Variants in ELP5 observed in about 807,000 individuals in gnomAD.
ELP5 encodes elongator acetyltransferase complex subunit 5.
Under a neutral mutation model 33.4 loss-of-function variants are expected in ELP5, and 34 were observed. The ratio of observed to expected loss-of-function variants is 1.02; its 90% confidence interval spans 0.78 to 1.36. ELP5 has a LOEUF of 1.36. Among genes scored for constraint, ELP5 ranks in the 40% most tolerant of loss-of-function variants. The pLI, the probability that ELP5 is intolerant of heterozygous loss-of-function variation, is 0.00. For synonymous variants in ELP5, 161 were observed against 146.4 expected (o/e 1.10, Z -0.72); for missense variants, 373 against 371.7 (o/e 1.00, Z -0.03).
At position 7,259,835 on chromosome 17, in the gene ELP5, G is replaced by GCAGCGTCT; in HGVS notation, c.*153_*160dup. ...GGAGCCCCGCCTTGTGAGCCAGGAA[G>GCAGCGTCT]CAGCGTCTCATCAGGACAGAAGGTA... On this transcript the variant is annotated 3_prime_UTR_variant, in exon 8 of 8. Coordinates refer to ENST00000396628, the MANE Select transcript of ELP5 (RefSeq NM_203414.3). The GCAGCGTCT allele has an allele frequency of 3.6e-6, 5 of 1,393,798 alleles. No individual in the cohort carries two copies. Among genetic ancestry groups the GCAGCGTCT allele is most frequent in the Non-Finnish European group, 4.8e-6 (5 of 1,043,410 alleles). 86.3% of individuals were successfully genotyped at this position (1,393,798 alleles called of 1,614,324 possible).
chr17:7,258,468 G>T, intron 5 of ELP5, 120 bp from the exon 6 acceptor site: 15 of 842,196 alleles, frequency 1.8e-5, no homozygotes, highest in Middle Eastern at 3.7e-4. Context: ...AAAAAAAGTT[G>T]AGGGCAGGAG....
chr17:7,258,846 G>A lies in ELP5; in HGVS notation c.708G>A (p.Leu236=). Reference sequence around the variant, plus strand: ...TACAGGTGGATCCCACAACTCATTTGACCTTTAACCTTCACCTGTCCAAGA... The same window carrying A: ...TACAGGTGGATCCCACAACTCATTTAACCTTTAACCTTCACCTGTCCAAGA... ...HIPPVDPTTH[L]TFNLHLSKKE... Residue 236 remains leucine, a synonymous_variant, in exon 7 of 8, where the codon TTG becomes TTA. Transcript: ENST00000396628. 6.2e-7 allele frequency: 1 copy of A among 1,614,162 alleles called. No homozygotes were observed. Among genetic ancestry groups the A allele is most frequent in the East Asian group, 2.2e-5 (1 of 44,880 alleles).
rs1443366492 is a variant in ELP5, at chr17:7,257,028, C to T, written c.581C>T (p.Pro194Leu). 4 of 1,588,314 alleles carry T rather than the reference C, an allele frequency of 2.5e-6. No homozygotes were observed. Among genetic ancestry groups the T allele is most frequent in the Non-Finnish European group, 2.6e-6 (3 of 1,169,698 alleles). ...HILCRRPRQR[P>L]TDQTQWFSIL... is the part of the protein sequence containing the mutation. Reference sequence around the variant, plus strand: ...CTGTGTCGGAGGCCCCGACAGCGCCCAACTGACCAGGTCAGAAGAACCAAC... The same window carrying T: ...CTGTGTCGGAGGCCCCGACAGCGCCTAACTGACCAGGTCAGAAGAACCAAC... The change falls in exon 5 of 8, where the codon CCA becomes CTA. Residue 194 changes from proline (P) to leucine (L), a missense_variant. By Grantham distance (98) the Pro-to-Leu change is moderately conservative. Transcript: ENST00000396628.
chr17:7,256,079 G>A (rs181427004), intron 4 of ELP5, among the ~76,000 whole-genome samples: 3 of 152,162 alleles, frequency 2.0e-5, no homozygotes, highest in East Asian at 1.9e-4. Flanking sequence ...CAGTCCGGGC[G>A]CAGAGGCTCA....
chr17:7,252,624 CG>C (rs752306365), intron 1 of ELP5, 28 bp downstream of exon 1: 2 of 1,605,002 alleles, frequency 1.2e-6, no homozygotes, highest in Non-Finnish European at 1.7e-6. Flanking sequence ...GGTGGCGGGG[CG>C]GGGGGTGCGG....
rs1226139675 is a variant in ELP5 at position 7,252,418 on chromosome 17, C to T, written c.-133C>T. ...GGGAATATTGAACATAATCACCTCTCATTCCAGACTATGTTAGGTCTTAAT... is the reference window on the plus strand; with the variant it reads ...GGGAATATTGAACATAATCACCTCTTATTCCAGACTATGTTAGGTCTTAAT... On this transcript the variant is annotated 5_prime_UTR_variant, in exon 1 of 8. Transcript: ENST00000396628. The T allele has an allele frequency of 8.0e-6, 11 of 1,376,240 alleles. No individual in the cohort carries two copies. Among genetic ancestry groups the T allele is most frequent in the South Asian group, 1.2e-5 (1 of 81,904 alleles). 85.3% of individuals were successfully genotyped at this position (1,376,240 alleles called of 1,614,324 possible).
chr17:7,253,083 A>G, intron 3 of ELP5, 85 bp downstream of exon 3: 3 of 1,282,654 alleles, frequency 2.3e-6, no homozygotes, highest in East Asian at 2.3e-5. Context: ...AGAACCTGGT[A>G]TGTAGTAGCA....
At chr17:7,255,664 T>G (rs2072060006) in intron 4 of ELP5, among the ~76,000 whole-genome samples, 4 of 152,190 alleles carry the variant, frequency 2.6e-5, no homozygotes, top group Admixed American at 2.0e-4. Context: ...AGCTTTGTAT[T>G]AAGGTGCTTG....
intron 5 of ELP5, 78 bp downstream of exon 5, chr17:7,257,116 G>A: frequency 7.1e-7 from 1 of 1,416,848 alleles, no homozygotes. Flanking sequence ...CAATGAAAAT[G>A]CTGATGTTTC....
chr17:7,259,356 CTTACGGTTTTATTAGGAG>C, intron 7 of ELP5, 197 bp from the exon 8 acceptor site: 1 of 1,403,372 alleles, frequency 7.1e-7, no homozygotes. Context: ...CTGCTAGGAA[CTTACGGTTTTATTAGGAG>C]AGCAGTACAA....
At position 7,258,943 on chromosome 17, in the gene ELP5, G is replaced by C. The variant is rs2072147331; in HGVS notation, c.788+17G>C. The C allele has an allele frequency of 6.2e-7, 1 of 1,614,096 alleles. No homozygotes were observed. On this transcript the variant is annotated intron_variant, in intron 7 of 7. Coordinates refer to ENST00000396628, the MANE Select transcript of ELP5 (RefSeq NM_203414.3). ...TTCTGAAAAGTAAGGTTGGGACCTGGGTACGTGGATCCCTGAGTAGATCCC... is the reference window on the plus strand; with the variant it reads ...TTCTGAAAAGTAAGGTTGGGACCTGCGTACGTGGATCCCTGAGTAGATCCC...
At chr17:7,253,080 G>A in intron 3 of ELP5, 82 bp downstream of exon 3, 2 of 1,323,316 alleles carry the variant, frequency 1.5e-6, no homozygotes, top group Middle Eastern at 1.8e-4. Context: ...CGCAGAACCT[G>A]GTATGTAGTA....
In ELP5 at chr17:7,252,895, A is replaced by G. The variant is rs147070436; in HGVS notation, c.108-23A>G. ...GGGCACCTGTGCCCACTCTTTGACAATCCCTTCTCATCTCTGCCTTAGTGG... is the reference window on the plus strand; with the variant it reads ...GGGCACCTGTGCCCACTCTTTGACAGTCCCTTCTCATCTCTGCCTTAGTGG... On this transcript the variant is annotated intron_variant, in intron 2 of 7. Transcript: ENST00000396628. 1.8e-4 allele frequency: 293 copies of G among 1,614,112 alleles called. 2 individuals are homozygous for G. The African/African-American group carries it at 3.2e-3, about 18-fold the overall frequency.
chr17:7,252,993 C>T lies in ELP5; in HGVS notation c.183C>T (p.Asn61=), dbSNP rs956790800. 5 of 1,613,986 alleles carry T rather than the reference C, an allele frequency of 3.1e-6. No individual in the cohort carries two copies. Among genetic ancestry groups the T allele is most frequent in the African/African-American group, 2.7e-5 (2 of 74,896 alleles). The change falls in exon 3 of 8, where the codon AAC becomes AAT. Residue 61 remains asparagine (N), a synonymous_variant. Transcript: ENST00000396628. ...GTGAAGGTTTTGACTCTGATATCAA[C>T]AATCGGTAAGTACCAGTTGGAAGAG... ...EFREGFDSDI[N]NRLVYHDFFR... is the part of the protein sequence containing the mutation.
intron 5 of ELP5, among the ~76,000 whole-genome samples, chr17:7,258,120 C>T: frequency 6.6e-6 from 1 of 151,800 alleles, no homozygotes; most frequent in Non-Finnish European, 1.5e-5. Flanking sequence ...CCTTTTATTC[C>T]TTTACTTCCT....
intron 7 of ELP5, 159 bp from the exon 8 acceptor site, chr17:7,259,412 C>T: frequency 6.9e-7 from 1 of 1,448,986 alleles, no homozygotes; most frequent in Non-Finnish European, 9.0e-7. Flanking sequence ...CCAAATGGTG[C>T]TTCAGCTCTA....
In ELP5 at chr17:7,252,841, C is replaced by T; in HGVS notation, c.107+11C>T. 2.5e-6 allele frequency: 4 copies of T among 1,614,188 alleles called. No individual in the cohort carries two copies. The highest frequency in any genetic ancestry group is 1.1e-5 in the South Asian group (1 of 91,084). On this transcript the variant is annotated intron_variant, in intron 2 of 7. Transcript: ENST00000396628. Reference sequence around the variant, plus strand: ...GAAATCTGCACTGTGGTGAGTATCCCACAGTGTCTCCCCGGCCTACCCTGG... The same window carrying T: ...GAAATCTGCACTGTGGTGAGTATCCTACAGTGTCTCCCCGGCCTACCCTGG...
chr17:7,253,139 G>A (rs1299242187), intron 3 of ELP5, 141 bp downstream of exon 3: 7 of 784,370 alleles, frequency 8.9e-6, no homozygotes, highest in East Asian at 2.6e-5. Context: ...TCTTTCAGGA[G>A]GCAAGAATTA....
chr17:7,252,703 C>T, intron 1 of ELP5, 67 bp from the exon 2 acceptor site: 1 of 1,611,312 alleles, frequency 6.2e-7, no homozygotes. Flanking sequence ...GTGTGGAAAT[C>T]GCGACGGGTT....
Sources: allele counts gnomAD v4.1 joint callset (sites outside exome capture counted in the v4.1 genomes callset), GRCh38; gene constraint gnomAD v4.1.1; transcripts MANE v1.5; gene names NCBI Gene and HGNC (gene_info 2026-07-23, HGNC 2026-07-21).